GRID1: variants seen among roughly 807,000 people sequenced by gnomAD.
GRID1 encodes glutamate ionotropic receptor delta type subunit 1.
Under a neutral mutation model 98.0 loss-of-function variants are expected in GRID1, and 28 were observed. That is an observed-to-expected ratio of 0.29 (90% CI 0.21 to 0.39). GRID1 has a LOEUF of 0.39. Ranked by LOEUF, GRID1 falls within the 10% of genes least tolerant of loss-of-function variation. GRID1 has a pLI of 1.00. For synonymous variants in GRID1, 553 were observed against 538.5 expected (o/e 1.03, Z -0.37); for missense variants, 1,111 against 1,340.5 (o/e 0.83, Z 2.67).
chr10:85,811,438 T>C (rs1245453509), intron 8 of GRID1, among the ~76,000 whole-genome samples: 3 of 152,012 alleles, frequency 2.0e-5, no homozygotes, highest in Non-Finnish European at 2.9e-5. Flanking sequence ...ATAATATAAA[T>C]AAACGATTCA....
chr10:86,357,512 G>T (rs994063243), intron 2 of GRID1, among the ~76,000 whole-genome samples: 2 of 152,266 alleles, frequency 1.3e-5, no homozygotes, highest in African/African-American at 4.8e-5. Context: ...AAAATTTGAG[G>T]AAGTGGGTGG....
chr10:85,659,945 C>T (rs150965508), intron 12 of GRID1, among the ~76,000 whole-genome samples: 141 of 152,316 alleles, frequency 9.3e-4, no homozygotes, highest in Non-Finnish European at 1.7e-3. Context: ...CTAAGCTGTT[C>T]CAGGCCTGGA....
chr10:85,613,907 A>G (rs1842761520), intron 14 of GRID1, among the ~76,000 whole-genome samples: 1 of 152,190 alleles, frequency 6.6e-6, no homozygotes, highest in African/African-American at 2.4e-5. Flanking sequence ...CTGCCCAAGG[A>G]TAAAGTCTAA....
At chr10:86,082,563 T>C (rs1843992511) in intron 4 of GRID1, among the ~76,000 whole-genome samples, 1 of 152,190 alleles carries the variant, frequency 6.6e-6, no homozygotes, top group Non-Finnish European at 1.5e-5. Flanking sequence ...CCCATGTTAC[T>C]GCCAGAGACA....
chr10:85,853,271 T>C (rs1455257671), intron 8 of GRID1, among the ~76,000 whole-genome samples: 1 of 152,164 alleles, frequency 6.6e-6, no homozygotes, highest in Non-Finnish European at 1.5e-5. Context: ...CCAACATCAT[T>C]TAGCCCTTGC....
At chr10:85,822,222 A>T (rs1842779372) in intron 8 of GRID1, among the ~76,000 whole-genome samples, 1 of 152,212 alleles carries the variant, frequency 6.6e-6, no homozygotes, top group African/African-American at 2.4e-5. Context: ...CTGCACAGCA[A>T]AACAAACTAC....
intron 12 of GRID1, among the ~76,000 whole-genome samples, chr10:85,711,152 G>A (rs1388299876): frequency 6.6e-6 from 1 of 151,932 alleles, no homozygotes; most frequent in African/African-American, 2.4e-5. Context: ...TTAAAAGCAG[G>A]CATTGAACAG....
chr10:85,652,481 AAGG>A (rs1369866207), intron 12 of GRID1, among the ~76,000 whole-genome samples: 1 of 152,186 alleles, frequency 6.6e-6, no homozygotes, highest in East Asian at 1.9e-4. Flanking sequence ...ATTCTTCCTT[AAGG>A]AGAAGAGAAT....
intron 5 of GRID1, among the ~76,000 whole-genome samples, chr10:85,894,494 A>AATT (rs1210465977): frequency 6.6e-6 from 1 of 152,162 alleles, no homozygotes; most frequent in African/African-American, 2.4e-5. Context: ...TAGAGGTAGA[A>AATT]ATTATATGGG....
Position 85,640,017 on chromosome 10 carries a change from G to A in GRID1, c.2193+7185C>T, listed in dbSNP as rs117409143. 2.6e-3 allele frequency among the ~76,000 whole-genome samples: 391 copies of A among 152,274 alleles called. 1 individual carries two copies. The highest frequency in any genetic ancestry group is 4.4e-3 in the Non-Finnish European group (301 of 68,036). ...CATTGGTATACTTGCAACTAATCTG[G>A]ACAGACCTTCCGCAAGTATCACAGA... is the stretch of plus-strand genomic sequence containing the variant. On this transcript the variant is annotated intron_variant, in intron 13 of 15. Coordinates refer to ENST00000327946, the MANE Select transcript of GRID1 (RefSeq NM_017551.3).
chr10:86,296,973 A>G (rs1847602747), intron 2 of GRID1, among the ~76,000 whole-genome samples: 1 of 152,244 alleles, frequency 6.6e-6, no homozygotes. Context: ...CGTGTAAAGA[A>G]AACTACCAAA....
At chr10:86,299,773 C>A (rs1847654435) in intron 2 of GRID1, among the ~76,000 whole-genome samples, 1 of 152,144 alleles carries the variant, frequency 6.6e-6, no homozygotes, top group African/African-American at 2.4e-5. Context: ...ACACTCCCTA[C>A]CCCAAAGACC....
chr10:85,929,458 T>C (rs7085571), intron 4 of GRID1, among the ~76,000 whole-genome samples: 84,781 of 152,092 alleles, frequency 0.56, 23,904 homozygotes, highest in African/African-American at 0.64. Flanking sequence ...CAGTGTCATT[T>C]GAATAAATTA....
chr10:85,816,285 C>A (rs1310875937), intron 8 of GRID1, among the ~76,000 whole-genome samples: 1 of 152,128 alleles, frequency 6.6e-6, no homozygotes, highest in African/African-American at 2.4e-5. Flanking sequence ...AGATGTCCTT[C>A]AAGAGTTGAA....
At chr10:85,774,885 A>C (rs1462846231) in intron 8 of GRID1, among the ~76,000 whole-genome samples, 12 of 151,520 alleles carry the variant, frequency 7.9e-5, no homozygotes, top group Admixed American at 2.6e-4. Flanking sequence ...GTGGGACCGT[A>C]AACTAGTTCA....
At chr10:86,349,047 G>T (rs1848428296) in intron 2 of GRID1, among the ~76,000 whole-genome samples, 1 of 152,226 alleles carries the variant, frequency 6.6e-6, no homozygotes, top group African/African-American at 2.4e-5. Flanking sequence ...GACAGGCAAT[G>T]GTCAGCAGCT....
chr10:85,741,360 T>A (rs1423716096), intron 8 of GRID1, among the ~76,000 whole-genome samples: 2 of 152,184 alleles, frequency 1.3e-5, no homozygotes, highest in South Asian at 2.1e-4. Context: ...AGTATTTGAA[T>A]AATAAATATA....
chr10:86,078,399 G>T (rs528349224), intron 4 of GRID1, among the ~76,000 whole-genome samples: 9 of 152,210 alleles, frequency 5.9e-5, no homozygotes, highest in African/African-American at 2.2e-4. Context: ...TCTTGGGGAC[G>T]GTCAGCAGCT....
chr10:85,701,334 T>G (rs1358001875), intron 12 of GRID1, among the ~76,000 whole-genome samples: 1 of 152,064 alleles, frequency 6.6e-6, no homozygotes, highest in Non-Finnish European at 1.5e-5. Flanking sequence ...CATTTTTCTC[T>G]GAACAATAGT....
Sources: gnomAD v4.1 joint callset for allele counts (sites outside exome capture counted in the v4.1 genomes callset) on GRCh38, gnomAD v4.1.1 for gene constraint, MANE v1.5 for transcripts, NCBI Gene and HGNC (gene_info 2026-07-23, HGNC 2026-07-21) for gene names.